Variants in AFG2A observed in about 807,000 individuals in gnomAD.
AFG2A encodes AAA ATPase AFG2A, also known as ATPase family gene 2 protein homolog A.
At chr4:123,091,686 A>G in the AFG2A span, among the ~76,000 whole-genome samples, 15,819 of 152,258 alleles carry the variant, frequency 0.1, 935 homozygotes, top group Middle Eastern at 0.2. Flanking sequence ...ATTAAGTAGT[A>G]TAGGTGCAAA....
At chr4:123,295,465 A>T in the AFG2A span, among the ~76,000 whole-genome samples, 2 of 152,272 alleles carry the variant, frequency 1.3e-5, no homozygotes, top group African/African-American at 4.8e-5. Context: ...AATATCTTTT[A>T]CTTGAAACTG....
At chr4:123,022,807 A>C in the AFG2A span, among the ~76,000 whole-genome samples, 1 of 152,064 alleles carries the variant, frequency 6.6e-6, no homozygotes, top group South Asian at 2.1e-4. Flanking sequence ...AATGATAGAC[A>C]GGATTAAGAA....
the AFG2A span, among the ~76,000 whole-genome samples, chr4:122,955,746 T>C: frequency 6.6e-6 from 1 of 152,202 alleles, no homozygotes; most frequent in Non-Finnish European, 1.5e-5. Context: ...AATTTCTAGG[T>C]TATAGGAATC....
At chr4:122,929,414 C>T in the AFG2A span, among the ~76,000 whole-genome samples, 1 of 152,032 alleles carries the variant, frequency 6.6e-6, no homozygotes, top group South Asian at 2.1e-4. Context: ...CCAATAAGGG[C>T]TGGGCGCGGT....
the AFG2A span, among the ~76,000 whole-genome samples, chr4:123,030,899 G>A: frequency 2.0e-5 from 3 of 152,156 alleles, no homozygotes; most frequent in Admixed American, 6.5e-5. Flanking sequence ...AGCTCAAAAC[G>A]TTTTGAATTT....
the AFG2A span, among the ~76,000 whole-genome samples, chr4:123,258,274 T>C: frequency 6.6e-6 from 1 of 152,218 alleles, no homozygotes; most frequent in African/African-American, 2.4e-5. Flanking sequence ...TTGGTCTGAA[T>C]AGGTAGGCAG....
At chr4:123,198,320 A>G in the AFG2A span, among the ~76,000 whole-genome samples, 1 of 151,716 alleles carries the variant, frequency 6.6e-6, no homozygotes, top group East Asian at 1.9e-4. Flanking sequence ...GTAGCTGCCC[A>G]GAGCCTCCTC....
At chr4:122,943,056 T>C in the AFG2A span, among the ~76,000 whole-genome samples, 1 of 152,184 alleles carries the variant, frequency 6.6e-6, no homozygotes. Context: ...TACTTCCAAC[T>C]ATGTGGTCAA....
chr4:123,121,243 A>G, the AFG2A span, among the ~76,000 whole-genome samples: 1 of 78,284 alleles, frequency 1.3e-5, no homozygotes, highest in Non-Finnish European at 3.8e-5. Flanking sequence ...ATAAGAGTCA[A>G]AAAGTAAAAA....
the AFG2A span, among the ~76,000 whole-genome samples, chr4:123,059,534 TTCTTAA>T: frequency 1.3e-5 from 2 of 152,000 alleles, no homozygotes; most frequent in Admixed American, 6.6e-5. Flanking sequence ...GTGCCACATT[TTCTTAA>T]TCCTGTCTAT....
At chr4:123,083,509 A>G in the AFG2A span, among the ~76,000 whole-genome samples, 3 of 151,732 alleles carry the variant, frequency 2.0e-5, 1 homozygote, top group Admixed American at 2.0e-4. Context: ...GTGTTAAACT[A>G]GCCTTGGGTA....
At chr4:123,019,163 G>T in the AFG2A span, among the ~76,000 whole-genome samples, 1 of 151,988 alleles carries the variant, frequency 6.6e-6, no homozygotes, top group Non-Finnish European at 1.5e-5. Flanking sequence ...TTCTCACAGT[G>T]ATCCTGAGAC....
chr4:123,310,148 CT>C, the AFG2A span, among the ~76,000 whole-genome samples: 30 of 152,260 alleles, frequency 2.0e-4, no homozygotes, highest in Middle Eastern at 3.4e-3. Context: ...ACTAAGAAGC[CT>C]TTTCATGAGG....
At chr4:123,214,761 G>T in the AFG2A span, among the ~76,000 whole-genome samples, 9 of 151,658 alleles carry the variant, frequency 5.9e-5, no homozygotes, top group African/African-American at 2.2e-4. Flanking sequence ...AGACCTTTAT[G>T]ATCTGCTTCC....
the AFG2A span, among the ~76,000 whole-genome samples, chr4:123,295,994 C>T: frequency 6.6e-6 from 1 of 152,230 alleles, no homozygotes; most frequent in Non-Finnish European, 1.5e-5. Context: ...GGTGGGAAAG[C>T]GTCCCTTTAT....
chr4:123,024,629 C>T, the AFG2A span, among the ~76,000 whole-genome samples: 1 of 152,230 alleles, frequency 6.6e-6, no homozygotes, highest in Non-Finnish European at 1.5e-5. Flanking sequence ...ACCAAAAGTA[C>T]AACTGCAGAC....
the AFG2A span, among the ~76,000 whole-genome samples, chr4:123,024,994 A>G: frequency 3.3e-5 from 5 of 152,244 alleles, no homozygotes; most frequent in South Asian, 1.0e-3. Flanking sequence ...GGGACGGGGA[A>G]TGCGGGGGAG....
the AFG2A span, among the ~76,000 whole-genome samples, chr4:123,281,381 A>G: frequency 6.6e-6 from 1 of 152,152 alleles, no homozygotes; most frequent in South Asian, 2.1e-4. Flanking sequence ...ATAAAGGGGG[A>G]AAAAAGTGAC....
the AFG2A span, among the ~76,000 whole-genome samples, chr4:122,980,145 A>G: frequency 2.0e-5 from 3 of 152,124 alleles, no homozygotes; most frequent in Admixed American, 1.3e-4. Context: ...TCCTCCCCTC[A>G]TTTCTAAATT....
Sources: allele counts gnomAD v4.1 joint callset (sites outside exome capture counted in the v4.1 genomes callset), GRCh38; gene constraint gnomAD v4.1.1; transcripts MANE v1.5; gene names NCBI Gene and HGNC (gene_info 2026-07-23, HGNC 2026-07-21).